Variants in ATF6 observed in about 807,000 individuals in gnomAD.
ATF6 encodes the protein cyclic AMP-dependent transcription factor ATF-6 alpha.
A neutral mutation model predicts 83.6 loss-of-function variants in ATF6; 53 were observed. That is an observed-to-expected ratio of 0.63 (90% CI 0.51 to 0.80). ATF6 has a LOEUF of 0.80. Ranked by LOEUF, ATF6 falls within the 30% of genes least tolerant of loss-of-function variation. ATF6 has a pLI of 0.00. For synonymous variants in ATF6, 288 were observed against 285.8 expected, an observed-to-expected ratio of 1.01 and a Z score of -0.08; for missense variants, 744 against 797.9, an observed-to-expected ratio of 0.93 and a Z score of 0.81.
chr1:161,817,974 A>G (rs1685652915), intron 7 of ATF6, among the ~76,000 whole-genome samples: 1 of 151,678 alleles, frequency 6.6e-6, no homozygotes, highest in South Asian at 2.1e-4. Flanking sequence ...GGTGGTGGGC[A>G]CCTGTAGTCC....
At chr1:161,912,564 A>G (rs1688012485) in intron 15 of ATF6, among the ~76,000 whole-genome samples, 184 bp downstream of exon 15, 1 of 152,236 alleles carries the variant, frequency 6.6e-6, no homozygotes, top group Admixed American at 6.5e-5. Context: ...AAAAATTACT[A>G]CATCCCTAAA....
chr1:161,961,213 T>C lies in ATF6; in HGVS notation c.*2559T>C. The stretch of plus-strand genomic sequence containing the variant: ...AAGGTGGGTAGCGGTTGGGAGGGAG[T>C]CTCCACTGAAGAGCAGGAAGGTGGT... On this transcript the variant is annotated 3_prime_UTR_variant, in exon 16 of 16. Transcript: ENST00000367942. 1 of 152,056 alleles carries C rather than the reference T, an allele frequency of 6.6e-6. No homozygotes were observed. The highest frequency in any genetic ancestry group is 1.5e-5 in the Non-Finnish European group (1 of 68,050). The allele number at this position is 152,056 out of a possible 1,614,324, so 9.4% of individuals were successfully genotyped here.
intron 12 of ATF6, among the ~76,000 whole-genome samples, chr1:161,856,667 CAGCT>C (rs1198470334): frequency 6.6e-6 from 1 of 152,150 alleles, no homozygotes; most frequent in Non-Finnish European, 1.5e-5. Context: ...TAATCCCACA[CAGCT>C]AGTATAATTA....
At chr1:161,948,075 G>A (rs532594901) in intron 15 of ATF6, among the ~76,000 whole-genome samples, 12 of 151,770 alleles carry the variant, frequency 7.9e-5, no homozygotes, top group South Asian at 2.1e-4. Flanking sequence ...CCACCCCCCC[G>A]TCAGCCTCCC....
rs1689153058 is a variant in ATF6 at position 161,963,840 on chromosome 1, G to A, written c.*5186G>A. The A allele has an allele frequency of 6.6e-6, 1 of 152,156 alleles. No homozygotes were observed. Among genetic ancestry groups the A allele is most frequent in the African/African-American group, 2.4e-5 (1 of 41,414 alleles). 9.4% of individuals were successfully genotyped at this position (152,156 alleles called of 1,614,324 possible). A position where few individuals can be genotyped will look rare whatever the true frequency, so the allele number is the denominator to read the frequency against. On this transcript the variant is annotated 3_prime_UTR_variant, in exon 16 of 16. Coordinates refer to ENST00000367942, the MANE Select transcript of ATF6 (RefSeq NM_007348.4). ...TCCATGGAGCCATTAGAACTGAGGG[G>A]GGAGTGTTAGAGATGCCATTTCACC...
chr1:161,866,836 C>A (rs929908123), intron 14 of ATF6, among the ~76,000 whole-genome samples: 2 of 152,188 alleles, frequency 1.3e-5, no homozygotes, highest in Non-Finnish European at 2.9e-5. Flanking sequence ...CAGCCTCCAA[C>A]TCCTGAGCTC....
At chr1:161,836,075 T>C (rs975847032) in intron 9 of ATF6, among the ~76,000 whole-genome samples, 1 of 152,224 alleles carries the variant, frequency 6.6e-6, no homozygotes, top group Non-Finnish European at 1.5e-5. Flanking sequence ...GGTTTTCTTA[T>C]GAGACTGTGC....
chr1:161,888,301 T>C (rs753355822), intron 14 of ATF6, among the ~76,000 whole-genome samples: 15 of 152,210 alleles, frequency 9.9e-5, no homozygotes, highest in Non-Finnish European at 2.1e-4. Flanking sequence ...GTATATACCA[T>C]TGAAGATGTT....
At chr1:161,832,897 G>A (rs1359702001) in intron 9 of ATF6, among the ~76,000 whole-genome samples, 3 of 152,230 alleles carry the variant, frequency 2.0e-5, no homozygotes, top group Non-Finnish European at 4.4e-5. Context: ...TGACAGCTTT[G>A]AAGAGAGTAG....
chr1:161,791,675 T>C, intron 5 of ATF6, 138 bp downstream of exon 5: 2 of 914,714 alleles, frequency 2.2e-6, no homozygotes, highest in Non-Finnish European at 3.2e-6. Flanking sequence ...CTATATTGTT[T>C]GTTGTGAGTG....
chr1:161,924,498 A>T (rs1468361550), intron 15 of ATF6, among the ~76,000 whole-genome samples: 1 of 152,224 alleles, frequency 6.6e-6, no homozygotes, highest in Non-Finnish European at 1.5e-5. Flanking sequence ...TGCTTTGGGG[A>T]TCTTGAGTAC....
intron 9 of ATF6, among the ~76,000 whole-genome samples, chr1:161,829,706 C>T: frequency 6.6e-6 from 1 of 152,046 alleles, no homozygotes; most frequent in Non-Finnish European, 1.5e-5. Context: ...ACAAAAACCA[C>T]ATAATTATCT....
chr1:161,872,930 A>G (rs1687148145), intron 14 of ATF6, among the ~76,000 whole-genome samples: 1 of 151,406 alleles, frequency 6.6e-6, no homozygotes, highest in Non-Finnish European at 1.5e-5. Context: ...GGTATAAGGT[A>G]AATAAGGACT....
At chr1:161,778,185 G>A (rs1684560733) in intron 1 of ATF6, 59 bp from the exon 2 acceptor site, 1 of 1,441,570 alleles carries the variant, frequency 6.9e-7, no homozygotes, top group African/African-American at 1.4e-5. Context: ...CACAGTGCTT[G>A]TTTCTTTGTC....
chr1:161,816,479 G>A (rs2101778082), intron 7 of ATF6, among the ~76,000 whole-genome samples: 1 of 152,286 alleles, frequency 6.6e-6, no homozygotes, highest in South Asian at 2.1e-4. Context: ...CTCTCTATTT[G>A]GTATTTAAAA....
At chr1:161,783,394 C>G (rs1459550255) in intron 3 of ATF6, among the ~76,000 whole-genome samples, 6 of 152,060 alleles carry the variant, frequency 3.9e-5, no homozygotes, top group African/African-American at 1.4e-4. Context: ...CATCCCCACC[C>G]TATTCTATCT....
intron 14 of ATF6, among the ~76,000 whole-genome samples, chr1:161,909,866 G>C (rs1687954812): frequency 6.6e-6 from 1 of 152,218 alleles, no homozygotes; most frequent in African/African-American, 2.4e-5. Flanking sequence ...TGAGGCAGGA[G>C]AATGGCATGA....
At chr1:161,924,090 C>T (rs959124190) in intron 15 of ATF6, among the ~76,000 whole-genome samples, 2 of 152,158 alleles carry the variant, frequency 1.3e-5, no homozygotes, top group Non-Finnish European at 2.9e-5. Flanking sequence ...AGATGAGCCA[C>T]TTCATATAAT....
intron 14 of ATF6, among the ~76,000 whole-genome samples, chr1:161,882,440 C>G (rs1326340865): frequency 6.6e-5 from 10 of 151,954 alleles, no homozygotes; most frequent in Non-Finnish European, 5.9e-5. Context: ...CTGGGCTAAT[C>G]TATTAGTAGT....
Sources: gnomAD v4.1 joint callset for allele counts (sites outside exome capture counted in the v4.1 genomes callset) on GRCh38, gnomAD v4.1.1 for gene constraint, MANE v1.5 for transcripts, NCBI Gene and HGNC (gene_info 2026-07-23, HGNC 2026-07-21) for gene names.